The following UNC13C variants were observed in gnomAD, a reference collection of about 807,000 sequenced individuals.
UNC13C encodes unc-13 homolog C.
A neutral mutation model predicts 245.4 loss-of-function variants in UNC13C; 174 were observed. That is an observed-to-expected ratio of 0.71 (90% CI 0.63 to 0.80). UNC13C has a LOEUF of 0.80. UNC13C is among the 30% of genes least tolerant of loss of function. UNC13C has a pLI of 0.00. For synonymous variants in UNC13C, 992 were observed against 895.1 expected, an observed-to-expected ratio of 1.11 and a Z score of -1.93; for missense variants, 2,829 against 2,602.9, an observed-to-expected ratio of 1.09 and a Z score of -1.89.
intron 30 of UNC13C, among the ~76,000 whole-genome samples, chr15:54,618,863 T>C (rs1900619406): frequency 6.6e-6 from 1 of 152,108 alleles, no homozygotes; most frequent in South Asian, 2.1e-4. Context: ...TCTGGATAAC[T>C]TACGGAAAAA....
At chr15:54,156,444 C>T (rs997813275) in intron 4 of UNC13C, among the ~76,000 whole-genome samples, 12 of 152,274 alleles carry the variant, frequency 7.9e-5, no homozygotes, top group African/African-American at 2.6e-4. Flanking sequence ...CTATAATCTT[C>T]ACATATAAAG....
At chr15:54,056,035 C>T (rs917872990) in intron 2 of UNC13C, among the ~76,000 whole-genome samples, 3 of 151,892 alleles carry the variant, frequency 2.0e-5, no homozygotes, top group African/African-American at 7.3e-5. Flanking sequence ...TGAGTACAAG[C>T]AAAAAAATGT....
chr15:54,422,708 C>A (rs957507940), intron 19 of UNC13C, among the ~76,000 whole-genome samples: 2 of 151,814 alleles, frequency 1.3e-5, no homozygotes, highest in African/African-American at 2.4e-5. Flanking sequence ...TTCTTCAAGT[C>A]TCATTTCATG....
At chr15:54,463,329 C>T (rs1891982681) in intron 19 of UNC13C, among the ~76,000 whole-genome samples, 1 of 135,856 alleles carries the variant, frequency 7.4e-6, no homozygotes, top group Admixed American at 8.0e-5. Context: ...GCAGCAGTAG[C>T]AACCCACTGG....
intron 9 of UNC13C, among the ~76,000 whole-genome samples, chr15:54,264,834 G>A (rs2036513915): frequency 6.6e-6 from 1 of 151,736 alleles, no homozygotes; most frequent in South Asian, 2.1e-4. Context: ...TAGTAAATTG[G>A]ACTTCTGAAG....
At chr15:54,363,613 A>G (rs2039287343) in intron 17 of UNC13C, among the ~76,000 whole-genome samples, 2 of 152,218 alleles carry the variant, frequency 1.3e-5, no homozygotes. Context: ...AAGCCGCAGC[A>G]TGGCATGATC....
chr15:54,516,817 C>T (rs1218475104), intron 24 of UNC13C, among the ~76,000 whole-genome samples: 1 of 80,950 alleles, frequency 1.2e-5, no homozygotes. Flanking sequence ...AAAAAAGTAT[C>T]AGATAATTAG....
At chr15:54,321,570 G>A (rs2414300) in intron 13 of UNC13C, 103,643 of 399,182 alleles carry the variant, frequency 0.26, 16,295 homozygotes, top group East Asian at 0.76. Flanking sequence ...AGTGTTCCCC[G>A]TCACCCCTCA....
intron 2 of UNC13C, among the ~76,000 whole-genome samples, chr15:54,132,597 T>C (rs960148338): frequency 1.3e-5 from 2 of 152,210 alleles, no homozygotes; most frequent in Non-Finnish European, 2.9e-5. Context: ...ATAAAGTTAT[T>C]TGCAGACTTA....
chr15:53,980,455 A>G (rs1893882168), intron 1 of UNC13C, among the ~76,000 whole-genome samples: 1 of 152,230 alleles, frequency 6.6e-6, no homozygotes, highest in Non-Finnish European at 1.5e-5. Flanking sequence ...TAGGTGAAAC[A>G]CTATAGCAGT....
At chr15:54,541,081 G>A (rs952468993) in intron 26 of UNC13C, among the ~76,000 whole-genome samples, 1 of 151,996 alleles carries the variant, frequency 6.6e-6, no homozygotes, top group Non-Finnish European at 1.5e-5. Flanking sequence ...ACAGGAGCCG[G>A]AGTTCCACAT....
At chr15:53,980,831 A>G (rs1183351055) in intron 1 of UNC13C, among the ~76,000 whole-genome samples, 1 of 152,190 alleles carries the variant, frequency 6.6e-6, no homozygotes, top group African/African-American at 2.4e-5. Context: ...TTAATAAAGT[A>G]AACTGTTTTC....
chr15:54,363,158 G>A (rs1020108881), intron 17 of UNC13C, among the ~76,000 whole-genome samples: 2 of 152,194 alleles, frequency 1.3e-5, no homozygotes, highest in Admixed American at 6.5e-5. Flanking sequence ...GCTGAGGCTG[G>A]AGTGCAATGG....
chr15:54,605,162 G>A (rs1257141293), intron 30 of UNC13C, among the ~76,000 whole-genome samples: 2 of 152,136 alleles, frequency 1.3e-5, no homozygotes, highest in Non-Finnish European at 2.9e-5. Context: ...TCACAAACTG[G>A]TAAACAGTGG....
intron 1 of UNC13C, among the ~76,000 whole-genome samples, chr15:53,989,274 C>T (rs1894277865): frequency 6.6e-6 from 1 of 151,426 alleles, no homozygotes; most frequent in South Asian, 2.1e-4. Flanking sequence ...TATGCAACCT[C>T]AATTACAGTC....
intron 30 of UNC13C, among the ~76,000 whole-genome samples, chr15:54,608,172 T>A (rs1428610977): frequency 6.6e-6 from 1 of 152,190 alleles, no homozygotes; most frequent in African/African-American, 2.4e-5. Flanking sequence ...ACTATAAACA[T>A]TAAATGAGTT....
At chr15:54,288,853 C>G (rs753625345) in intron 10 of UNC13C, among the ~76,000 whole-genome samples, 1 of 151,998 alleles carries the variant, frequency 6.6e-6, no homozygotes, top group Admixed American at 6.6e-5. Flanking sequence ...TCTCTTGGCT[C>G]CTCTGTTCTG....
intron 30 of UNC13C, among the ~76,000 whole-genome samples, chr15:54,569,536 C>G (rs560718332): frequency 6.6e-6 from 1 of 151,752 alleles, no homozygotes; most frequent in African/African-American, 2.4e-5. Context: ...GATGCAGAAT[C>G]CATGGATATC....
rs960484444 is a variant in UNC13C, at chr15:54,203,757, CAT to C, written c.3072-31266_3072-31265del. ...ATATACATATATATGTATATATACA[CAT>C]ATATATGTATATATACACACACATA... is the stretch of plus-strand genomic sequence containing the variant. On this transcript the variant is annotated intron_variant, in intron 4 of 32. Coordinates refer to ENST00000260323, the MANE Select transcript of UNC13C (RefSeq NM_001080534.3). Among the ~76,000 whole-genome samples, 234 of 116,482 alleles carry C rather than the reference CAT, an allele frequency of 2.0e-3. 1 individual carries two copies. The highest frequency in any genetic ancestry group is 6.5e-3 in the African/African-American group (227 of 35,168). The allele number at this position is 116,482 out of a possible 152,430, so 76.4% of individuals were successfully genotyped here. A position where few individuals can be genotyped will look rare whatever the true frequency, so the allele number is the denominator to read the frequency against.
Sources: gnomAD v4.1 joint callset for allele counts (sites outside exome capture counted in the v4.1 genomes callset) on GRCh38, gnomAD v4.1.1 for gene constraint, MANE v1.5 for transcripts, NCBI Gene and HGNC (gene_info 2026-07-23, HGNC 2026-07-21) for gene names.